The following PTH2R variants were observed in gnomAD, a reference collection of about 807,000 sequenced individuals.
PTH2R encodes the protein PTH2 receptor.
PTH2R carries 59 observed loss-of-function variants against 60.3 expected under a neutral mutation model. That is an observed-to-expected ratio of 0.98 (90% confidence interval 0.79 to 1.22). PTH2R has a LOEUF of 1.22. Ranked by LOEUF, PTH2R falls within the 50% of genes most tolerant of loss-of-function variation. The probability of loss-of-function intolerance (pLI) is 0.00; values close to 1 mark genes in which losing one functional copy is unlikely to be tolerated. For missense variants in PTH2R, 749 were observed against 682.6 expected, an observed-to-expected ratio of 1.10 and a Z score of -1.08; for synonymous variants, 256 against 243.8, an observed-to-expected ratio of 1.05 and a Z score of -0.47.
intron 1 of PTH2R, among the ~76,000 whole-genome samples, chr2:208,416,547 G>A (rs1701644918): frequency 6.6e-6 from 1 of 152,132 alleles, no homozygotes; most frequent in African/African-American, 2.4e-5. Context: ...GTTGAAATTA[G>A]GTGAACTACT....
At chr2:208,364,190 G>T (rs1700534927) in intron 1 of PTH2R, among the ~76,000 whole-genome samples, 2 of 152,018 alleles carry the variant, frequency 1.3e-5, no homozygotes, top group African/African-American at 2.4e-5. Context: ...TTTCACTATT[G>T]TGTCCTTCAA....
chr2:208,455,832 A>C (rs1329559014), intron 8 of PTH2R, among the ~76,000 whole-genome samples: 1 of 152,178 alleles, frequency 6.6e-6, no homozygotes, highest in Non-Finnish European at 1.5e-5. Flanking sequence ...GAAACCTCTG[A>C]TTTTCTCTGC....
intron 12 of PTH2R, 106 bp from the exon 13 acceptor site, chr2:208,493,157 CA>C: frequency 5.8e-6 from 7 of 1,210,756 alleles, no homozygotes; most frequent in Non-Finnish European, 7.7e-6. Flanking sequence ...AGAGGAACCT[CA>C]ATCAATGATT....
chr2:208,427,010 C>A (rs560400981), intron 1 of PTH2R, among the ~76,000 whole-genome samples: 3 of 152,166 alleles, frequency 2.0e-5, no homozygotes, highest in East Asian at 1.9e-4. Flanking sequence ...AAAAGGTTAT[C>A]CCTATAAAAA....
chr2:208,457,670 G>A (rs962792986), intron 8 of PTH2R, among the ~76,000 whole-genome samples: 2 of 152,186 alleles, frequency 1.3e-5, no homozygotes, highest in African/African-American at 4.8e-5. Context: ...GTAATAAAAG[G>A]TGTTATCTGT....
chr2:208,459,852 G>T (rs1702596731), intron 8 of PTH2R, 43 bp from the exon 9 acceptor site: 7 of 1,577,378 alleles, frequency 4.4e-6, no homozygotes, highest in African/African-American at 1.4e-5. Flanking sequence ...CTACCCATTT[G>T]CTTTGCCAAT....
chr2:208,454,036 C>T (rs1702460761), intron 8 of PTH2R, among the ~76,000 whole-genome samples: 1 of 152,160 alleles, frequency 6.6e-6, no homozygotes, highest in South Asian at 2.1e-4. Context: ...ACCCAAGTGC[C>T]TCCGGGGCTG....
chr2:208,470,859 T>C (rs1702865413), intron 9 of PTH2R, among the ~76,000 whole-genome samples: 3 of 152,162 alleles, frequency 2.0e-5, no homozygotes, highest in Admixed American at 6.5e-5. Context: ...TAGAAACTTG[T>C]TGAATGGCTT....
intron 10 of PTH2R, among the ~76,000 whole-genome samples, chr2:208,487,208 C>A (rs553567936): frequency 2.3e-4 from 35 of 152,202 alleles, no homozygotes; most frequent in Non-Finnish European, 4.0e-4. Context: ...ACTTCTAGGC[C>A]CTATTTCCTC....
intron 1 of PTH2R, among the ~76,000 whole-genome samples, chr2:208,414,949 C>T (rs1701610648): frequency 6.6e-6 from 1 of 151,854 alleles, no homozygotes; most frequent in Non-Finnish European, 1.5e-5. Context: ...TAGTGTTTCT[C>T]AAAACTATTA....
At chr2:208,432,589 CA>C (rs1339676794) in intron 2 of PTH2R, among the ~76,000 whole-genome samples, 1 of 152,160 alleles carries the variant, frequency 6.6e-6, no homozygotes, top group African/African-American at 2.4e-5. Flanking sequence ...CACATGATCA[CA>C]GGGTGAAGTC....
At chr2:208,450,644 T>TA in intron 7 of PTH2R, 105 bp from the exon 8 acceptor site, 8 of 1,116,946 alleles carry the variant, frequency 7.2e-6, no homozygotes, top group Non-Finnish European at 1.1e-5. Flanking sequence ...TGTCTATTTT[T>TA]ATCTCTGAAC....
At chr2:208,396,619 C>T in intron 1 of PTH2R, among the ~76,000 whole-genome samples, 1 of 152,108 alleles carries the variant, frequency 6.6e-6, no homozygotes, top group Non-Finnish European at 1.5e-5. Flanking sequence ...CCATCTCATG[C>T]CAGTTAGAAT....
chr2:208,465,388 CTTTTTTTTTT>C (rs60871321), intron 9 of PTH2R, among the ~76,000 whole-genome samples: 8 of 39,902 alleles, frequency 2.0e-4, no homozygotes, highest in Non-Finnish European at 3.3e-4. Context: ...ATTTGTAAGT[CTTTTTTTTTT>C]TTTTTTTTTT....
intron 9 of PTH2R, 151 bp from the exon 10 acceptor site, chr2:208,480,919 C>G: frequency 1.8e-6 from 1 of 569,716 alleles, no homozygotes; most frequent in Admixed American, 3.6e-5. Context: ...GAATCACTAG[C>G]CTTCCAATAT....
intron 2 of PTH2R, among the ~76,000 whole-genome samples, chr2:208,430,520 G>A (rs900003457): frequency 6.7e-6 from 1 of 148,712 alleles, no homozygotes; most frequent in Non-Finnish European, 1.5e-5. Context: ...AGCCTTTGTT[G>A]GTGATTAGCT....
At chr2:208,372,866 C>A (rs1700726562) in intron 1 of PTH2R, among the ~76,000 whole-genome samples, 1 of 152,038 alleles carries the variant, frequency 6.6e-6, no homozygotes, top group South Asian at 2.1e-4. Context: ...AGGTGGATCG[C>A]CTGAGCTCAG....
At chr2:208,437,970 A>T in intron 4 of PTH2R, 89 bp downstream of exon 4, 1 of 1,497,764 alleles carries the variant, frequency 6.7e-7, no homozygotes, top group Non-Finnish European at 9.2e-7. Context: ...TATGTATAAA[A>T]ACCCTCTTAT....
rs569685533 is a variant in PTH2R, at chr2:208,467,796, AAAG to A, written c.981+7837_981+7839del. ...AAAAGATGGTTCCTAGGTCCTTGCG[AAAG>A]ACATTCCTGGGCCATAAAGCTGACC... On this transcript the variant is annotated intron_variant, in intron 9 of 12. Transcript: ENST00000272847. 8.9e-4 allele frequency among the ~76,000 whole-genome samples: 136 copies of A among 152,320 alleles called. 4 individuals are homozygous for A. The East Asian group carries it at 0.024, about 26-fold the overall frequency.
Sources: gnomAD v4.1 joint callset for allele counts (sites outside exome capture counted in the v4.1 genomes callset) on GRCh38, gnomAD v4.1.1 for gene constraint, MANE v1.5 for transcripts, NCBI Gene and HGNC (gene_info 2026-07-23, HGNC 2026-07-21) for gene names.